The following TNFAIP8 variants were observed in gnomAD, a reference collection of about 807,000 sequenced individuals.
TNFAIP8 encodes TNF alpha induced protein 8.
TNFAIP8 carries 7 observed loss-of-function variants against 13.3 expected under a neutral mutation model. The ratio of observed to expected loss-of-function variants is 0.52; its 90% confidence interval spans 0.30 to 0.99. The LOEUF (loss-of-function observed/expected upper bound fraction) is 0.99. Among genes scored for constraint, TNFAIP8 ranks in the 50% least tolerant of loss-of-function variants. The pLI is 0.07. For missense variants in TNFAIP8, 258 were observed against 236.9 expected, an observed-to-expected ratio of 1.09 and a Z score of -0.58; for synonymous variants, 94 against 87.6, an observed-to-expected ratio of 1.07 and a Z score of -0.41.
In TNFAIP8 at chr5:119,343,269, G is replaced by A. The variant is rs571103707; in HGVS notation, c.2-49547G>A. Among the ~76,000 whole-genome samples the A allele has an allele frequency of 2.0e-5, 3 of 152,212 alleles. No individual in the cohort carries two copies. In the South Asian group the frequency reaches 6.2e-4, roughly 31 times the overall value. On this transcript the variant is annotated intron_variant, in intron 1 of 1. Coordinates refer to the TNFAIP8 transcript ENST00000274456. ...TCTGTTTATAAGGATGTCGAAGGAA[G>A]TGCGTCCATTCTGTGCATGTTGTAA...
intron 1 of TNFAIP8, among the ~76,000 whole-genome samples, chr5:119,358,388 A>G (rs1251263412): frequency 6.6e-6 from 1 of 152,018 alleles, no homozygotes; most frequent in Non-Finnish European, 1.5e-5. Flanking sequence ...AACATACTTG[A>G]CTCTGTGCCA....
Position 119,318,402 on chromosome 5 carries a change from C to T in TNFAIP8, c.1+49495C>T, listed in dbSNP as rs181768298. On this transcript the variant is annotated intron_variant, in intron 1 of 1. Transcript: ENST00000274456. Reference sequence around the variant, plus strand: ...CTCCTGGGCTCCAGCAATCCTCCCACGTCAGCTTCCTGTGTCGCTGGGACT... The same window carrying T: ...CTCCTGGGCTCCAGCAATCCTCCCATGTCAGCTTCCTGTGTCGCTGGGACT... 2.0e-4 allele frequency among the ~76,000 whole-genome samples: 31 copies of T among 152,292 alleles called. 1 individual carries two copies. The highest frequency in any genetic ancestry group is 7.0e-4 in the African/African-American group (29 of 41,560).
At chr5:119,388,514 C>G (rs1269591999) in intron 1 of TNFAIP8, among the ~76,000 whole-genome samples, 4 of 152,196 alleles carry the variant, frequency 2.6e-5, no homozygotes, top group African/African-American at 9.7e-5. Context: ...AATCTTTGCT[C>G]TCAGAGTTTA....
At chr5:119,298,327 G>T (rs1749245945) in intron 1 of TNFAIP8, among the ~76,000 whole-genome samples, 1 of 152,112 alleles carries the variant, frequency 6.6e-6, no homozygotes, top group Middle Eastern at 3.4e-3. Context: ...CTCAGCATTT[G>T]CTTGTCTGTA....
rs920497149 is a variant in TNFAIP8, at chr5:119,276,428, GT to G, written c.1+7529del. ...CCACCGCACCTGGCCTGTAAGTTCTGTTTTTTTTATGGTTGCCTTTAGTGAT... is the reference window on the plus strand; with the variant it reads ...CCACCGCACCTGGCCTGTAAGTTCTGTTTTTTTATGGTTGCCTTTAGTGAT... On this transcript the variant is annotated intron_variant, in intron 1 of 1. Coordinates refer to the TNFAIP8 transcript ENST00000274456. Among the ~76,000 whole-genome samples the G allele has an allele frequency of 4.6e-5, 7 of 151,796 alleles. No individual in the cohort carries two copies. In the East Asian group the frequency reaches 5.8e-4, roughly 13 times the overall value.
At chr5:119,295,261 A>AAG (rs1749139738) in intron 1 of TNFAIP8, among the ~76,000 whole-genome samples, 1 of 99,692 alleles carries the variant, frequency 1.0e-5, no homozygotes, top group Non-Finnish European at 2.0e-5. Context: ...GTCTAACGTT[A>AAG]GACCTATAGG....
At chr5:119,355,844 C>A, upstream of TNFAIP8, 1 of 1,082,784 alleles carries the variant, frequency 9.2e-7, no homozygotes, top group Non-Finnish European at 1.1e-6. Flanking sequence ...CGGCTGCCGG[C>A]CCGAGCGCGC....
intron 1 of TNFAIP8, among the ~76,000 whole-genome samples, chr5:119,339,457 GTTTT>G (rs397884992): frequency 4.3e-5 from 5 of 116,206 alleles, no homozygotes; most frequent in African/African-American, 6.4e-5. Context: ...CTCTTGTGGT[GTTTT>G]TTTTTTTTTT....
chr5:119,279,247 G>C (rs10478419), intron 1 of TNFAIP8, among the ~76,000 whole-genome samples: 11,629 of 152,254 alleles, frequency 0.076, 875 homozygotes, highest in East Asian at 0.43. Flanking sequence ...TGGTGGCTCA[G>C]CTGCCCTCCC....
chr5:119,274,427 G>A (rs115573411), intron 1 of TNFAIP8, among the ~76,000 whole-genome samples: 3 of 152,202 alleles, frequency 2.0e-5, no homozygotes, highest in Non-Finnish European at 4.4e-5. Flanking sequence ...CACTTGAAGG[G>A]CAGAGCAGTC....
At chr5:119,357,735 A>G (rs1751484972) in intron 1 of TNFAIP8, among the ~76,000 whole-genome samples, 1 of 151,888 alleles carries the variant, frequency 6.6e-6, no homozygotes, top group Admixed American at 6.6e-5. Context: ...CATCATTTAC[A>G]TTCTGCAGAT....
At chr5:119,336,101 A>T (rs1439470384) in intron 1 of TNFAIP8, among the ~76,000 whole-genome samples, 1 of 151,832 alleles carries the variant, frequency 6.6e-6, no homozygotes, top group Admixed American at 6.6e-5. Context: ...GGAGGGGGAG[A>T]GATGAGTCAG....
intron 1 of TNFAIP8, among the ~76,000 whole-genome samples, chr5:119,392,613 A>C (rs534456883): frequency 1.3e-5 from 2 of 152,064 alleles, no homozygotes; most frequent in Admixed American, 1.3e-4. Flanking sequence ...CAGTCTCCCA[A>C]AGTGTTGGGA....
chr5:119,385,899 G>T (rs1035567113), intron 1 of TNFAIP8, among the ~76,000 whole-genome samples: 1 of 152,208 alleles, frequency 6.6e-6, no homozygotes, highest in African/African-American at 2.4e-5. Flanking sequence ...CATCTATGTG[G>T]TCCATGTCCA....
chr5:119,281,319 C>CTCTCTCTG (rs1748623219), intron 1 of TNFAIP8, among the ~76,000 whole-genome samples: 1 of 150,964 alleles, frequency 6.6e-6, no homozygotes, highest in Non-Finnish European at 1.5e-5. Flanking sequence ...CTCTCTCTCT[C>CTCTCTCTG]ACACTTACAT....
At chr5:119,301,247 A>G (rs1749381445) in intron 1 of TNFAIP8, among the ~76,000 whole-genome samples, 1 of 152,012 alleles carries the variant, frequency 6.6e-6, no homozygotes, top group Non-Finnish European at 1.5e-5. Context: ...CTGTTTTTCT[A>G]TCCTCCCTTC....
chr5:119,392,712 G>A (rs1752937456), intron 1 of TNFAIP8, 104 bp from the exon 2 acceptor site: 2 of 1,290,838 alleles, frequency 1.5e-6, no homozygotes, highest in East Asian at 2.5e-5. Context: ...ACAAATGGTG[G>A]GAAAATGAGG....
At chr5:119,293,440 G>A (rs1561986397) in intron 1 of TNFAIP8, among the ~76,000 whole-genome samples, 1 of 152,128 alleles carries the variant, frequency 6.6e-6, no homozygotes, top group Non-Finnish European at 1.5e-5. Context: ...GTGAGATCAT[G>A]TGGTGTTTGT....
chr5:119,300,852 A>G (rs1414589137), intron 1 of TNFAIP8, among the ~76,000 whole-genome samples: 1 of 152,154 alleles, frequency 6.6e-6, no homozygotes, highest in Non-Finnish European at 1.5e-5. Flanking sequence ...TCTTTATGGA[A>G]TCTATGTGAG....
Sources: allele counts gnomAD v4.1 joint callset (sites outside exome capture counted in the v4.1 genomes callset), GRCh38; gene constraint gnomAD v4.1.1; transcripts MANE v1.5; gene names NCBI Gene and HGNC (gene_info 2026-07-23, HGNC 2026-07-21).